Variants in AKAP6 observed in about 807,000 individuals in gnomAD.
AKAP6 encodes A-kinase anchor protein 6.
AKAP6 carries 58 observed loss-of-function variants against 188.5 expected under a neutral mutation model. The observed-to-expected ratio is 0.31, with a 90% CI of 0.25 to 0.38. The LOEUF (loss-of-function observed/expected upper bound fraction) is 0.38. Ranked by LOEUF, AKAP6 falls within the 10% of genes least tolerant of loss-of-function variation. The pLI is 1.00. For synonymous variants in AKAP6, 989 were observed against 998.6 expected (o/e 0.99, Z 0.18); for missense variants, 2,710 against 2,740.0 (o/e 0.99, Z 0.24).
At chr14:32,759,747 G>A (rs150920128) in intron 11 of AKAP6, among the ~76,000 whole-genome samples, 62 of 152,186 alleles carry the variant, frequency 4.1e-4, no homozygotes, top group Middle Eastern at 3.4e-3. Flanking sequence ...GGGGGATGGG[G>A]AGGTGCCACA....
chr14:32,732,347 G>A, intron 9 of AKAP6, 107 bp from the exon 10 acceptor site: 1 of 1,295,152 alleles, frequency 7.7e-7, no homozygotes, highest in Admixed American at 2.6e-5. Flanking sequence ...AAATTTTATT[G>A]GGAACAAAAA....
intron 1 of AKAP6, among the ~76,000 whole-genome samples, chr14:32,371,053 T>C (rs1334619049): frequency 2.0e-5 from 3 of 152,064 alleles, no homozygotes; most frequent in African/African-American, 7.3e-5. Flanking sequence ...AGTAGAGGAG[T>C]GTATATTAAA....
chr14:32,488,286 C>G (rs1951200), intron 2 of AKAP6, among the ~76,000 whole-genome samples: 100,464 of 152,042 alleles, frequency 0.66, 34,789 homozygotes, highest in East Asian at 0.86. Flanking sequence ...GCTGTGGTGG[C>G]CTCCACCCAG....
chr14:32,654,854 TAA>T lies in AKAP6; in HGVS notation c.2731-23447_2731-23446del, dbSNP rs34940494. Among the ~76,000 whole-genome samples, 610 of 148,380 alleles carry T rather than the reference TAA, an allele frequency of 4.1e-3. 4 individuals are homozygous for T. Among genetic ancestry groups the T allele is most frequent in the African/African-American group, 0.014 (587 of 40,808 alleles). Reference sequence around the variant, plus strand: ...ACAGGGCGAGACCCTGTCTCAGGAATAAAAAAAAAAAGTATTATGAAGGAGCT... The same window carrying T: ...ACAGGGCGAGACCCTGTCTCAGGAATAAAAAAAAAGTATTATGAAGGAGCT... On this transcript the variant is annotated intron_variant, in intron 7 of 13. Coordinates refer to ENST00000280979, the MANE Select transcript of AKAP6 (RefSeq NM_004274.5).
intron 1 of AKAP6, among the ~76,000 whole-genome samples, chr14:32,398,300 G>A (rs1292015140): frequency 6.6e-6 from 1 of 152,186 alleles, no homozygotes; most frequent in African/African-American, 2.4e-5. Flanking sequence ...CCTTCTCCTT[G>A]GCTGGAAGGA....
chr14:32,560,154 G>A (rs1883888051), intron 4 of AKAP6, among the ~76,000 whole-genome samples: 2 of 152,076 alleles, frequency 1.3e-5, no homozygotes, highest in Non-Finnish European at 2.9e-5. Context: ...AATCCAGTTT[G>A]GGAATTCTAA....
intron 9 of AKAP6, among the ~76,000 whole-genome samples, chr14:32,723,092 G>GGGTT (rs1025899357): frequency 3.9e-5 from 6 of 152,244 alleles, no homozygotes; most frequent in African/African-American, 1.4e-4. Flanking sequence ...CTCCTGCAAG[G>GGGTT]GGTTTAACTG....
At chr14:32,585,434 T>G (rs1045325423) in intron 5 of AKAP6, among the ~76,000 whole-genome samples, 1 of 152,158 alleles carries the variant, frequency 6.6e-6, no homozygotes, top group Non-Finnish European at 1.5e-5. Flanking sequence ...AACAAGGTTC[T>G]TAATTCAATT....
intron 8 of AKAP6, among the ~76,000 whole-genome samples, chr14:32,684,546 T>G (rs1177775499): frequency 1.3e-5 from 2 of 152,162 alleles, no homozygotes; most frequent in Non-Finnish European, 2.9e-5. Flanking sequence ...AATGTTTATT[T>G]TTAGGGGTAA....
chr14:32,736,083 T>C (rs2031408489), intron 11 of AKAP6, among the ~76,000 whole-genome samples: 1 of 152,158 alleles, frequency 6.6e-6, no homozygotes, highest in Non-Finnish European at 1.5e-5. Flanking sequence ...CACATATACA[T>C]TGTAGAGGGG....
At chr14:32,767,480 G>C (rs1458110437) in intron 11 of AKAP6, among the ~76,000 whole-genome samples, 1 of 151,924 alleles carries the variant, frequency 6.6e-6, no homozygotes, top group Non-Finnish European at 1.5e-5. Flanking sequence ...TAGACATTTT[G>C]TGTGTCTTGC....
intron 9 of AKAP6, among the ~76,000 whole-genome samples, chr14:32,718,740 G>T (rs908261887): frequency 6.6e-6 from 1 of 152,130 alleles, no homozygotes; most frequent in Non-Finnish European, 1.5e-5. Context: ...AGAAAATGAA[G>T]CTCAAAGATA....
At chr14:32,559,504 G>A (rs1035921803) in intron 4 of AKAP6, among the ~76,000 whole-genome samples, 2 of 152,124 alleles carry the variant, frequency 1.3e-5, no homozygotes, top group African/African-American at 4.8e-5. Flanking sequence ...TCACTAATTC[G>A]CAATCTTTGC....
chr14:32,585,492 A>ACGTGTGTG (rs4007573), intron 5 of AKAP6, among the ~76,000 whole-genome samples: 18 of 150,736 alleles, frequency 1.2e-4, no homozygotes, highest in East Asian at 7.8e-4. Flanking sequence ...AACTATATAT[A>ACGTGTGTG]TGTGTGTGTG....
intron 12 of AKAP6, among the ~76,000 whole-genome samples, chr14:32,780,157 C>CATATATATATATATATATATAT (rs59506546): frequency 0.019 from 2,204 of 118,294 alleles, 62 homozygotes; most frequent in African/African-American, 0.022. Flanking sequence ...AAAAAAAAAA[C>CATATATATATATATATATATAT]ATATATATAT....
Position 32,353,864 on chromosome 14 carries a change from T to A in AKAP6, c.-35+24456T>A, listed in dbSNP as rs1283068234. 3.3e-5 allele frequency among the ~76,000 whole-genome samples: 5 copies of A among 151,964 alleles called. 1 individual carries two copies. The South Asian group carries it at 1.0e-3, about 32-fold the overall frequency. On this transcript the variant is annotated intron_variant, in intron 1 of 13. Transcript: ENST00000280979. ...GAGTGAATTCCCATTCACAATTGCT[T>A]CAAAGAGAATAAAATACCTAGGAAT...
intron 2 of AKAP6, among the ~76,000 whole-genome samples, chr14:32,508,781 A>C (rs775678757): frequency 3.6e-4 from 55 of 152,134 alleles, no homozygotes; most frequent in Admixed American, 4.6e-4. Context: ...TAGGATTATT[A>C]GTGATTTATC....
At chr14:32,364,825 C>T (rs181351053) in intron 1 of AKAP6, among the ~76,000 whole-genome samples, 2 of 152,300 alleles carry the variant, frequency 1.3e-5, no homozygotes, top group Admixed American at 6.5e-5. Flanking sequence ...CAAATCGTGA[C>T]AGCCACAGTG....
At chr14:32,644,168 G>T (rs1437290611) in intron 7 of AKAP6, among the ~76,000 whole-genome samples, 1 of 152,094 alleles carries the variant, frequency 6.6e-6, no homozygotes, top group African/African-American at 2.4e-5. Context: ...TCTACTATTT[G>T]CCACAGAATG....
Sources: allele counts gnomAD v4.1 joint callset (sites outside exome capture counted in the v4.1 genomes callset), GRCh38; gene constraint gnomAD v4.1.1; transcripts MANE v1.5; gene names NCBI Gene and HGNC (gene_info 2026-07-23, HGNC 2026-07-21).